The following ITGA7 variants were observed in gnomAD, a reference collection of about 807,000 sequenced individuals.
The protein encoded by ITGA7 is integrin alpha-7.
In ITGA7, 84 loss-of-function variants were observed where a neutral mutation model predicts 131.6. That is an observed-to-expected ratio of 0.64 (90% CI 0.54 to 0.77). ITGA7 has a LOEUF of 0.77. Among genes scored for constraint, ITGA7 ranks in the 30% least tolerant of loss-of-function variants. The pLI is 0.00. For synonymous variants in ITGA7, 548 were observed against 600.7 expected (o/e 0.91, Z 1.28); for missense variants, 1,399 against 1,482.9 (o/e 0.94, Z 0.93).
At chr12:55,699,048 C>T (rs1260794245) in intron 5 of ITGA7, 131 bp from the exon 6 acceptor site, 1 of 814,452 alleles carries the variant, frequency 1.2e-6, no homozygotes, top group Non-Finnish European at 2.0e-6. Flanking sequence ...GCACCCTGCC[C>T]CCTCCCCTAG....
At chr12:55,700,299 G>A in intron 4 of ITGA7, 1 of 1,610,108 alleles carries the variant, frequency 6.2e-7, no homozygotes, top group Non-Finnish European at 8.5e-7. Flanking sequence ...TGAGGCGGGG[G>A]TCCTGCTCCT....
Position 55,698,478 on chromosome 12 carries a change from G to A in ITGA7, c.1097C>T (p.Ala366Val), listed in dbSNP as rs1293667768. The A allele has an allele frequency of 6.2e-7, 1 of 1,613,916 alleles. No individual in the cohort carries two copies. The stretch of plus-strand genomic sequence containing the variant: ...GCAGAGCCGGAGAGGGGAGATCCCA[G>A]CCCAGTGACCCCCCTGGTTCAAGTA... The part of the protein sequence containing the change: ...YVYLNQGGHW[A>V]GISPLRLCGS... Residue 366 changes from alanine to valine, a missense_variant, in exon 7 of 25, where the codon GCT becomes GTT. Transcript: ENST00000257879.
chr12:55,712,024 C>T (rs1421768811), upstream of ITGA7: 1 of 1,502,674 alleles, frequency 6.7e-7, no homozygotes, highest in Non-Finnish European at 9.1e-7. Context: ...CTTTTCCGTC[C>T]CAACATGCAC....
Position 55,698,003 on chromosome 12 carries a change from C to CA in ITGA7, c.1215dup (p.Asp406Ter). 6.2e-7 allele frequency: 1 copy of CA among 1,614,168 alleles called. No homozygotes were observed. The highest frequency in any genetic ancestry group is 8.5e-7 in the Non-Finnish European group (1 of 1,180,038). ...TAGATGAAGACTTTCCCATCACCAT[C>CA]AAAGGGGGCACCCACTGCAATATCT... is the stretch of plus-strand genomic sequence containing the variant. On this transcript the variant is annotated frameshift_variant, in exon 8 of 25. Coordinates refer to ENST00000257879, the MANE Select transcript of ITGA7 (RefSeq NM_002206.3). LOFTEE classifies it high-confidence loss of function.
intron 22 of ITGA7, 107 bp downstream of exon 22, chr12:55,688,734 AAAG>A: frequency 9.8e-6 from 8 of 816,822 alleles, no homozygotes; most frequent in Non-Finnish European, 1.4e-5. Context: ...AAAAAAAAAA[AAAG>A]GGGGGGGATG....
At chr12:55,703,298 A>T (rs1213156563) in intron 1 of ITGA7, 120 bp from the exon 2 acceptor site, 6 of 1,123,360 alleles carry the variant, frequency 5.3e-6, no homozygotes, top group Non-Finnish European at 6.2e-6. Context: ...AGGACTAAAG[A>T]GAAGGGGCAA....
intron 21 of ITGA7, among the ~76,000 whole-genome samples, chr12:55,691,745 G>A (rs898787993): frequency 3.9e-5 from 6 of 152,326 alleles, no homozygotes; most frequent in Middle Eastern, 3.4e-3. Flanking sequence ...GCCACGACAT[G>A]GGTTCCTACA....
chr12:55,697,777 G>A lies in ITGA7; in HGVS notation c.1327C>T (p.Leu443=), dbSNP rs755295976. The change falls in exon 9 of 25, where the codon CTG becomes TTG. Residue 443 remains leucine (L), a synonymous_variant. Coordinates refer to ENST00000257879, the MANE Select transcript of ITGA7 (RefSeq NM_002206.3). ...AVGIKSFGYS[L]SGSLDMDGNQ... is the part of the protein sequence containing the mutation. ...CCATCCATATCCAAGCTGCCTGACA[G>A]GGAGTAGCCGAAGCTCTTGATGCCC... The A allele has an allele frequency of 1.5e-5, 24 of 1,614,146 alleles. 1 individual carries two copies. The South Asian group carries it at 2.6e-4, about 18-fold the overall frequency.
intron 24 of ITGA7, among the ~76,000 whole-genome samples, 156 bp downstream of exon 24, chr12:55,687,815 C>T (rs1870557221): frequency 6.6e-6 from 1 of 152,140 alleles, no homozygotes. Flanking sequence ...TTTGAAACAT[C>T]CAGGGACTAA....
In ITGA7 at chr12:55,700,968, T is replaced by C. The variant is rs1592466319; in HGVS notation, c.601A>G (p.Thr201Ala). Residue 201 changes from threonine (T) to alanine (A), a missense_variant, in exon 4 of 25, where the codon ACA (threonine) becomes GCA (alanine). Thr to Ala is a moderately conservative substitution (Grantham distance 58). Transcript: ENST00000257879. ...CTATCAGGGGAGAAGGCGGCAGCTG[T>C]GCCCTGCTGGCAGAACCCAAATTGT... is the stretch of plus-strand genomic sequence containing the variant. ...HEQFGFCQQG[T>A]AAAFSPDSHY... is the part of the protein sequence containing the mutation. The C allele has an allele frequency of 6.2e-7, 1 of 1,614,240 alleles. No individual in the cohort carries two copies. Among genetic ancestry groups the C allele is most frequent in the Middle Eastern group, 1.6e-4 (1 of 6,062 alleles).
chr12:55,712,213 A>G, upstream of ITGA7: 2 of 1,551,502 alleles, frequency 1.3e-6, no homozygotes, highest in Non-Finnish European at 1.7e-6. Context: ...TTGACGATCC[A>G]AAAGAAACCC....
chr12:55,695,654 G>A lies in ITGA7; in HGVS notation c.1888-17C>T, dbSNP rs751278015. On this transcript the variant is annotated splice_polypyrimidine_tract_variant and intron_variant, in intron 13 of 24. Coordinates refer to ENST00000257879, the MANE Select transcript of ITGA7 (RefSeq NM_002206.3). The stretch of plus-strand genomic sequence containing the variant: ...GAAGTGGATCTGGGGAGAGACATGA[G>A]ATAAGGGGCATTCCTAGGGGGCAAG... The A allele has an allele frequency of 6.3e-7, 1 of 1,580,710 alleles. No homozygotes were observed. The highest frequency in any genetic ancestry group is 8.7e-7 in the Non-Finnish European group (1 of 1,149,628).
chr12:55,694,560 G>T lies in ITGA7; in HGVS notation c.2278-38C>A. The T allele has an allele frequency of 1.2e-6, 2 of 1,613,022 alleles. No individual in the cohort carries two copies. Among genetic ancestry groups the T allele is most frequent in the East Asian group, 2.2e-5 (1 of 44,880 alleles). On this transcript the variant is annotated intron_variant, in intron 16 of 24. Transcript: ENST00000257879. This position sits in a 1 kb window ranked among gnomAD's most constrained non-coding sequence, Gnocchi z 5.3. ...TGGAAAGAGATTAGAGTCAGGGGTG[G>T]TCTACGGGCTTATGGAGAGGCTACT...
At chr12:55,709,167 C>CAAG (rs1274969452), upstream of ITGA7, among the ~76,000 whole-genome samples, 1 of 152,132 alleles carries the variant, frequency 6.6e-6, no homozygotes, top group Non-Finnish European at 1.5e-5. Context: ...TTGTCTCTGC[C>CAAG]ACACTTGGAA....
At chr12:55,685,592 AC>A (rs543998226) in intron 24 of ITGA7, among the ~76,000 whole-genome samples, 3 of 152,044 alleles carry the variant, frequency 2.0e-5, no homozygotes, top group South Asian at 4.2e-4. Context: ...CAAGATTTGT[AC>A]CCCCTCTAGC....
upstream of ITGA7, among the ~76,000 whole-genome samples, chr12:55,714,328 C>T (rs1876344069): frequency 1.3e-5 from 2 of 150,752 alleles, no homozygotes; most frequent in African/African-American, 2.5e-5. Flanking sequence ...CCGGCTAAAA[C>T]GGTGAAACCC....
At chr12:55,696,690 C>T (rs1162243447) in intron 12 of ITGA7, among the ~76,000 whole-genome samples, 1 of 152,080 alleles carries the variant, frequency 6.6e-6, no homozygotes, top group East Asian at 1.9e-4. Context: ...GACATGAAGC[C>T]CCTTGCACCT....
chr12:55,713,857 T>C (rs190957875), upstream of ITGA7, among the ~76,000 whole-genome samples: 284 of 152,346 alleles, frequency 1.9e-3, 1 homozygote, highest in Non-Finnish European at 3.3e-3. Context: ...GAATCATTGA[T>C]CAGTAATTCT....
intron 11 of ITGA7, 71 bp from the exon 12 acceptor site, chr12:55,697,139 CT>C: frequency 1.3e-6 from 2 of 1,583,650 alleles, no homozygotes; most frequent in Non-Finnish European, 1.7e-6. Flanking sequence ...TCCAAGGGTG[CT>C]CTTCTACCAC....
Sources: allele counts gnomAD v4.1 joint callset (sites outside exome capture counted in the v4.1 genomes callset), GRCh38; gene constraint gnomAD v4.1.1; non-coding constraint Gnocchi (gnomAD v3.1); transcripts MANE v1.5; gene names NCBI Gene and HGNC (gene_info 2026-07-23, HGNC 2026-07-21).